Variants in CDH17 observed in about 807,000 individuals in gnomAD.
CDH17 encodes cadherin-17.
In CDH17, 67 loss-of-function variants were observed where a neutral mutation model predicts 86.3. The ratio of observed to expected loss-of-function variants is 0.78; its 90% confidence interval spans 0.64 to 0.95. The LOEUF (loss-of-function observed/expected upper bound fraction) is 0.95. CDH17 is among the 40% of genes least tolerant of loss of function. The probability of loss-of-function intolerance (pLI) is 0.00; values close to 1 mark genes in which losing one functional copy is unlikely to be tolerated. For synonymous variants in CDH17, 367 were observed against 366.4 expected (o/e 1.00, Z -0.02); for missense variants, 993 against 1,017.6 (o/e 0.98, Z 0.33).
chr8:94,214,002 T>C (rs1251491034), intron 1 of CDH17, among the ~76,000 whole-genome samples: 1 of 152,018 alleles, frequency 6.6e-6, no homozygotes, highest in Non-Finnish European at 1.5e-5. Context: ...ACATCTCGAG[T>C]CTCTCTCTAG....
At chr8:94,186,081 A>G (rs1047607464) in intron 3 of CDH17, among the ~76,000 whole-genome samples, 4 of 152,114 alleles carry the variant, frequency 2.6e-5, no homozygotes, top group African/African-American at 9.7e-5. Flanking sequence ...ACAGGTATCT[A>G]TGTCATATCC....
At chr8:94,196,688 C>CA (rs764170924) in intron 1 of CDH17, among the ~76,000 whole-genome samples, 16 of 152,222 alleles carry the variant, frequency 1.1e-4, no homozygotes, top group Non-Finnish European at 2.2e-4. Context: ...AAAGCAGCCC[C>CA]AAAATCATTT....
At chr8:94,212,499 G>GTA (rs1814138876), upstream of CDH17, among the ~76,000 whole-genome samples, 1 of 148,118 alleles carries the variant, frequency 6.8e-6, no homozygotes, top group Non-Finnish European at 1.5e-5. Context: ...CTGTTGTTGA[G>GTA]TTTTTTTTTT....
At chr8:94,205,043 AGT>A (rs991774888) in intron 1 of CDH17, among the ~76,000 whole-genome samples, 2 of 152,218 alleles carry the variant, frequency 1.3e-5, no homozygotes, top group African/African-American at 4.8e-5. Context: ...CCACATGCTT[AGT>A]GTTCCAATAA....
intron 9 of CDH17, among the ~76,000 whole-genome samples, chr8:94,169,989 GT>G (rs1480554517): frequency 6.6e-6 from 1 of 152,116 alleles, no homozygotes; most frequent in Non-Finnish European, 1.5e-5. Context: ...GACTTTGGGT[GT>G]AAATGTTTAA....
At chr8:94,196,876 A>G (rs1365543647) in intron 1 of CDH17, among the ~76,000 whole-genome samples, 1 of 152,150 alleles carries the variant, frequency 6.6e-6, no homozygotes, top group East Asian at 1.9e-4. Flanking sequence ...TAAGCAACAG[A>G]CTATATGGTG....
intron 15 of CDH17, among the ~76,000 whole-genome samples, chr8:94,145,645 A>C (rs1391156746): frequency 1.3e-5 from 2 of 152,158 alleles, no homozygotes; most frequent in African/African-American, 4.8e-5. Flanking sequence ...TTTCTATAAA[A>C]TCTGCTTTCC....
At chr8:94,137,727 A>G (rs1418325257) in intron 15 of CDH17, among the ~76,000 whole-genome samples, 2 of 152,174 alleles carry the variant, frequency 1.3e-5, no homozygotes, top group East Asian at 1.9e-4. Context: ...TAACTTAACA[A>G]TGTGAGAGCT....
chr8:94,195,641 G>C (rs915444444), intron 1 of CDH17, among the ~76,000 whole-genome samples: 1 of 152,104 alleles, frequency 6.6e-6, no homozygotes, highest in Admixed American at 6.5e-5. Context: ...CTTTCACTAT[G>C]AGACATGTCA....
intron 3 of CDH17, among the ~76,000 whole-genome samples, chr8:94,186,247 G>A (rs1018111471): frequency 1.3e-5 from 2 of 151,994 alleles, no homozygotes; most frequent in Non-Finnish European, 1.5e-5. Flanking sequence ...ATCTTTTGCT[G>A]TACTCTCTCT....
At chr8:94,131,827 A>C (rs564894826) in intron 15 of CDH17, among the ~76,000 whole-genome samples, 2 of 152,126 alleles carry the variant, frequency 1.3e-5, no homozygotes, top group East Asian at 3.9e-4. Flanking sequence ...ATCCTCCCCC[A>C]GACCCCCACC....
chr8:94,187,928 C>T (rs140088466), intron 3 of CDH17, among the ~76,000 whole-genome samples: 15 of 152,222 alleles, frequency 9.9e-5, no homozygotes, highest in Non-Finnish European at 2.1e-4. Flanking sequence ...CCTACCTCAC[C>T]GGGCTGCATA....
At chr8:94,148,429 C>G (rs1812787320) in intron 14 of CDH17, among the ~76,000 whole-genome samples, 2 of 151,160 alleles carry the variant, frequency 1.3e-5, no homozygotes, top group Non-Finnish European at 2.9e-5. Flanking sequence ...GTAATCCCAG[C>G]TACTCGGAAG....
intron 3 of CDH17, among the ~76,000 whole-genome samples, chr8:94,187,256 T>C (rs1813598907): frequency 6.6e-6 from 1 of 152,106 alleles, no homozygotes; most frequent in African/African-American, 2.4e-5. Flanking sequence ...CATAAACAAA[T>C]AAAAATCAGT....
chr8:94,180,328 C>T (rs1357014369), intron 3 of CDH17, among the ~76,000 whole-genome samples: 2 of 151,660 alleles, frequency 1.3e-5, no homozygotes, highest in Admixed American at 1.3e-4. Flanking sequence ...AATAAAAGTT[C>T]CAGAAGGAAA....
intron 15 of CDH17, among the ~76,000 whole-genome samples, chr8:94,142,635 A>AACACTGCCACTGTTTT (rs527730470): frequency 0.014 from 2,162 of 152,344 alleles, 31 homozygotes; most frequent in Non-Finnish European, 0.021. Flanking sequence ...AGTCTTCTCA[A>AACACTGCCACTGTTTT]ACACTGCCAC....
intron 14 of CDH17, among the ~76,000 whole-genome samples, chr8:94,147,191 G>C (rs534272072): frequency 3.3e-5 from 5 of 152,230 alleles, no homozygotes; most frequent in African/African-American, 9.6e-5. Context: ...CAGCATAAAG[G>C]CTCAGCCAGA....
chr8:94,134,755 G>A (rs901571859), intron 15 of CDH17, among the ~76,000 whole-genome samples: 2 of 152,040 alleles, frequency 1.3e-5, no homozygotes, highest in Non-Finnish European at 1.5e-5. Flanking sequence ...TGATGTTAGG[G>A]TGTCAATTTT....
At chr8:94,162,012 T>C in intron 11 of CDH17, 74 bp downstream of exon 11, 1 of 944,226 alleles carries the variant, frequency 1.1e-6, no homozygotes, top group Admixed American at 1.8e-5. Context: ...CTACTGTCTG[T>C]GTCTCTATCC....
Sources: allele counts gnomAD v4.1 joint callset (sites outside exome capture counted in the v4.1 genomes callset), GRCh38; gene constraint gnomAD v4.1.1; transcripts MANE v1.5; gene names NCBI Gene and HGNC (gene_info 2026-07-23, HGNC 2026-07-21).